Variants in ADGRB1 observed in about 807,000 individuals in gnomAD.
ADGRB1 encodes the protein brain-specific angiogenesis inhibitor 1.
A neutral mutation model predicts 175.7 loss-of-function variants in ADGRB1; 36 were observed. The observed-to-expected ratio is 0.20, with a 90% confidence interval of 0.16 to 0.27. ADGRB1 has a LOEUF of 0.27. Among genes scored for constraint, ADGRB1 ranks in the 10% least tolerant of loss-of-function variants. ADGRB1 has a pLI of 1.00. For missense variants in ADGRB1, 1,731 were observed against 2,255.3 expected, an observed-to-expected ratio of 0.77 and a Z score of 4.71; for synonymous variants, 1,054 against 979.4, an observed-to-expected ratio of 1.08 and a Z score of -1.42.
intron 2 of ADGRB1, among the ~76,000 whole-genome samples, chr8:142,468,682 A>C (rs770777876): frequency 6.6e-6 from 1 of 152,208 alleles, no homozygotes; most frequent in Non-Finnish European, 1.5e-5. Flanking sequence ...TCTTCCCTAG[A>C]GACCCGCAGG....
chr8:142,522,352 C>T (rs897753835), intron 21 of ADGRB1, among the ~76,000 whole-genome samples: 2 of 152,162 alleles, frequency 1.3e-5, no homozygotes, highest in African/African-American at 2.4e-5. Context: ...CAAGTATGTC[C>T]GGTGCAGTAT....
intron 26 of ADGRB1, among the ~76,000 whole-genome samples, chr8:142,538,427 C>G (rs1201412675): frequency 6.6e-6 from 1 of 152,222 alleles, no homozygotes; most frequent in African/African-American, 2.4e-5. Flanking sequence ...CTCCATCAGC[C>G]AGGGAGCAGG....
At chr8:142,517,067 T>C (rs1212337974) in intron 18 of ADGRB1, among the ~76,000 whole-genome samples, 2 of 151,830 alleles carry the variant, frequency 1.3e-5, no homozygotes, top group Non-Finnish European at 2.9e-5. Flanking sequence ...GGCACAGTCA[T>C]GCGAAGAGGG....
intron 25 of ADGRB1, among the ~76,000 whole-genome samples, chr8:142,534,302 T>C (rs1417328274): frequency 6.6e-6 from 1 of 152,202 alleles, no homozygotes; most frequent in Non-Finnish European, 1.5e-5. Context: ...TTTCCGGCCT[T>C]AGGTGGCGAT....
At chr8:142,528,001 T>C (rs988421099) in intron 24 of ADGRB1, among the ~76,000 whole-genome samples, 2 of 152,236 alleles carry the variant, frequency 1.3e-5, no homozygotes, top group African/African-American at 4.8e-5. Context: ...CTGCGTTAGG[T>C]GCACACAGCC....
At chr8:142,539,548 C>T (rs552549391) in intron 27 of ADGRB1, 135 bp downstream of exon 27, 71 of 1,118,630 alleles carry the variant, frequency 6.3e-5, no homozygotes, top group African/African-American at 4.9e-4. Flanking sequence ...CCAGCCACAC[C>T]GTCAGGCCCA....
chr8:142,463,201 G>A (rs1411872019), intron 1 of ADGRB1, among the ~76,000 whole-genome samples: 1 of 152,168 alleles, frequency 6.6e-6, no homozygotes, highest in African/African-American at 2.4e-5. Flanking sequence ...TCCCTCCCCA[G>A]GCCCTGTGCC....
chr8:142,524,315 G>A lies in ADGRB1; in HGVS notation c.3312+11G>A, dbSNP rs759876036. On this transcript the variant is annotated intron_variant, in intron 23 of 30. Coordinates refer to ENST00000517894, the MANE Select transcript of ADGRB1 (RefSeq NM_001702.3). The stretch of plus-strand genomic sequence containing the variant: ...GCTGCCGTTGTGCTGGTACTGACCC[G>A]CCCAGGCCCCACTCCCCACGACCCC... 3.8e-6 allele frequency: 6 copies of A among 1,585,830 alleles called. No individual in the cohort carries two copies. Among genetic ancestry groups the A allele is most frequent in the East Asian group, 4.5e-5 (2 of 44,182 alleles).
Position 142,479,401 on chromosome 8 carries a change from G to T in ADGRB1, c.1640G>T (p.Arg547Leu). The T allele has an allele frequency of 6.5e-7, 1 of 1,538,242 alleles. No individual in the cohort carries two copies. Among genetic ancestry groups the T allele is most frequent in the Non-Finnish European group, 8.7e-7 (1 of 1,146,680 alleles). The stretch of plus-strand genomic sequence containing the variant: ...GGGGCTGGCAGCCAGCGACGGGAGC[G>T]TGTCTGCTCTGGGCCCTTCTTCGGG... ...TCGAGSQRRE[R>L]VCSGPFFGGA... The change falls in exon 8 of 31, where the codon CGT becomes CTT. Residue 547 changes from arginine to leucine, a missense_variant. By Grantham distance (102) the Arg-to-Leu change is moderately radical (BLOSUM62 -2). Around this residue, in one of 8 missense-constraint regions of ADGRB1, gnomAD observed 388 missense variants for 630.9 expected, o/e 0.61. Coordinates refer to ENST00000517894, the MANE Select transcript of ADGRB1 (RefSeq NM_001702.3).
At chr8:142,477,621 G>T in intron 6 of ADGRB1, 72 bp downstream of exon 6, 1 of 1,526,448 alleles carries the variant, frequency 6.6e-7, no homozygotes. Context: ...CCACCGGCCA[G>T]GCCCAGGAGC....
chr8:142,488,627 C>A, intron 14 of ADGRB1, 120 bp downstream of exon 14: 4 of 1,348,008 alleles, frequency 3.0e-6, no homozygotes, highest in East Asian at 2.4e-5. Context: ...TCAAGGGGGT[C>A]CTCTTTTCCA....
chr8:142,522,140 C>G, intron 21 of ADGRB1, 25 bp downstream of exon 21: 1 of 1,600,168 alleles, frequency 6.2e-7, no homozygotes. Context: ...TCCCGACCCT[C>G]CTGGACAGAT....
chr8:142,480,868 C>T (rs886504207), intron 9 of ADGRB1, among the ~76,000 whole-genome samples: 1 of 152,136 alleles, frequency 6.6e-6, no homozygotes, highest in Non-Finnish European at 1.5e-5. Flanking sequence ...GGCTGAGGCC[C>T]CTGTAGCCCT....
intron 1 of ADGRB1, among the ~76,000 whole-genome samples, chr8:142,450,585 C>G (rs1485370564): frequency 1.3e-5 from 2 of 152,054 alleles, no homozygotes; most frequent in African/African-American, 2.4e-5. Context: ...GAGCGTGTCC[C>G]CCTCCTGCTA....
Position 142,543,364 on chromosome 8 carries a change from G to T in ADGRB1, c.4414-39G>T. On this transcript the variant is annotated intron_variant, in intron 28 of 30. Coordinates refer to ENST00000517894, the MANE Select transcript of ADGRB1 (RefSeq NM_001702.3). This position sits in a 1 kb window ranked among gnomAD's most constrained non-coding sequence, Gnocchi z 4.4. Reference sequence around the variant, plus strand: ...CAGGGAGAGGCGTGGACTTGTCAGGGACCCTTGGCGAATGTTCGCAAACCC... The same window carrying T: ...CAGGGAGAGGCGTGGACTTGTCAGGTACCCTTGGCGAATGTTCGCAAACCC... The T allele has an allele frequency of 6.2e-7, 1 of 1,612,706 alleles. No homozygotes were observed. Among genetic ancestry groups the T allele is most frequent in the Non-Finnish European group, 8.5e-7 (1 of 1,179,334 alleles).
rs553620920 is a variant in ADGRB1 at position 142,537,065 on chromosome 8, G to A, written c.3649G>A (p.Gly1217Ser). Reference sequence around the variant, plus strand: ...GGACTCAGGGGGCTCCTTCCAGAACGGCCACGCCCAGCTCATGGTAGGACT... The same window carrying A: ...GGACTCAGGGGGCTCCTTCCAGAACAGCCACGCCCAGCTCATGGTAGGACT... ...NGDSGGSFQN[G>S]HAQLMTDFEK... The change falls in exon 26 of 31, where the codon GGC (glycine) becomes AGC (serine). Residue 1217 changes from glycine (G) to serine (S), a missense_variant. By Grantham distance (56) the Gly-to-Ser change is moderately conservative. Around this residue, in one of 8 missense-constraint regions of ADGRB1, gnomAD observed 301 missense variants for 488.4 expected, o/e 0.62. Transcript: ENST00000517894. This position sits in a 1 kb window ranked among gnomAD's most constrained non-coding sequence, Gnocchi z 4.6. 9.0e-6 allele frequency: 14 copies of A among 1,564,104 alleles called. No homozygotes were observed. The Admixed American group carries it at 1.3e-4, about 14-fold the overall frequency.
intron 18 of ADGRB1, among the ~76,000 whole-genome samples, chr8:142,512,044 C>G (rs999508633): frequency 6.6e-6 from 1 of 152,252 alleles, no homozygotes; most frequent in African/African-American, 2.4e-5. Context: ...TGGCTGTGTT[C>G]TCTGGAAAAG....
chr8:142,498,484 A>G (rs2131939663), intron 17 of ADGRB1, among the ~76,000 whole-genome samples: 1 of 152,160 alleles, frequency 6.6e-6, no homozygotes, highest in African/African-American at 2.4e-5. Context: ...GGGGGCGTGC[A>G]AGTCTTATAG....
intron 12 of ADGRB1, among the ~76,000 whole-genome samples, chr8:142,484,327 C>T (rs999317741): frequency 6.6e-6 from 1 of 152,226 alleles, no homozygotes; most frequent in African/African-American, 2.4e-5. Flanking sequence ...ACATAGAGCC[C>T]TCCTCATGTT....
Sources: gnomAD v4.1 joint callset for allele counts (sites outside exome capture counted in the v4.1 genomes callset) on GRCh38, gnomAD v4.1.1 for gene constraint, gnomAD v4.1.1 regional missense constraint, Gnocchi (gnomAD v3.1) non-coding constraint, MANE v1.5 for transcripts, NCBI Gene and HGNC (gene_info 2026-07-23, HGNC 2026-07-21) for gene names.